ZBTB46: variants seen among roughly 807,000 people sequenced by gnomAD.
ZBTB46 encodes zinc finger and BTB domain containing 46.
In ZBTB46, 8 loss-of-function variants were observed where a neutral mutation model predicts 44.1. That is an observed-to-expected ratio of 0.18 (90% CI 0.11 to 0.33). The LOEUF (loss-of-function observed/expected upper bound fraction) is 0.33, where lower values mean the gene tolerates loss of function less well. Ranked by LOEUF, ZBTB46 falls within the 10% of genes least tolerant of loss-of-function variation. The probability of loss-of-function intolerance (pLI) is 1.00; values close to 1 mark genes in which losing one functional copy is unlikely to be tolerated. For missense variants in ZBTB46, 651 were observed against 847.7 expected (o/e 0.77, Z 2.88); for synonymous variants, 409 against 382.3 (o/e 1.07, Z -0.81).
intron 1 of ZBTB46, among the ~76,000 whole-genome samples, chr20:63,796,559 C>T (rs1378019766): frequency 6.6e-6 from 1 of 152,244 alleles, no homozygotes; most frequent in African/African-American, 2.4e-5. Context: ...AGTGCGGTGG[C>T]GCACGCCTGT....
intron 2 of ZBTB46, among the ~76,000 whole-genome samples, chr20:63,786,416 C>T (rs2092514825): frequency 6.6e-6 from 1 of 152,216 alleles, no homozygotes; most frequent in Admixed American, 6.5e-5. Flanking sequence ...CTGCTAACAT[C>T]CTGCAGTACC....
intron 1 of ZBTB46, chr20:63,791,031 G>C: frequency 2.2e-6 from 1 of 462,046 alleles, no homozygotes; most frequent in Non-Finnish European, 3.8e-6. Context: ...TTCCGTGCTC[G>C]AGGCTAATGG....
chr20:63,798,685 A>AACAAAAAAAAAAAAAAAAAAC (rs2092621537), intron 1 of ZBTB46, among the ~76,000 whole-genome samples: 2 of 127,888 alleles, frequency 1.6e-5, no homozygotes, highest in African/African-American at 6.4e-5. Flanking sequence ...AAAAAAAAAA[A>AACAAAAAAAAAAAAAAAAAAC]AAAAAAAATT....
intron 1 of ZBTB46, among the ~76,000 whole-genome samples, chr20:63,827,797 T>TG (rs2092827931): frequency 6.6e-6 from 1 of 152,276 alleles, no homozygotes; most frequent in Non-Finnish European, 1.5e-5. Flanking sequence ...GCACTGCTGA[T>TG]ACTCAACTAT....
chr20:63,817,385 A>C (rs1324650575), intron 1 of ZBTB46, among the ~76,000 whole-genome samples: 1 of 151,190 alleles, frequency 6.6e-6, no homozygotes, highest in Non-Finnish European at 1.5e-5. Context: ...AGCCTGGCCC[A>C]CAGAGTGAGA....
In ZBTB46 at chr20:63,801,561, T is replaced by C. The variant is rs147423137; in HGVS notation, c.-33-10771A>G. 7.1e-3 allele frequency among the ~76,000 whole-genome samples: 1,086 copies of C among 152,304 alleles called. 5 individuals are homozygous for C. Among genetic ancestry groups the C allele is most frequent in the African/African-American group, 0.024 (1,014 of 41,558 alleles). On this transcript the variant is annotated intron_variant, in intron 1 of 4. Transcript: ENST00000245663. ...ATTGAAAGTGTTGTTCTTTTGCTCT[T>C]TGCAATAAATCTTGCTGCTGCTCAC... is the stretch of plus-strand genomic sequence containing the variant.
At chr20:63,802,578 C>T (rs1282542638) in intron 1 of ZBTB46, among the ~76,000 whole-genome samples, 1 of 152,002 alleles carries the variant, frequency 6.6e-6, no homozygotes, top group Non-Finnish European at 1.5e-5. Context: ...AGCACCCTCC[C>T]AGAAACCGCG....
chr20:63,756,300 G>A (rs2092219904), intron 3 of ZBTB46, among the ~76,000 whole-genome samples: 1 of 152,228 alleles, frequency 6.6e-6, no homozygotes. Flanking sequence ...TGAAGCAAAT[G>A]GACTGGCAGT....
chr20:63,774,930 C>T (rs1271984616), intron 3 of ZBTB46, among the ~76,000 whole-genome samples: 1 of 152,124 alleles, frequency 6.6e-6, no homozygotes, highest in Non-Finnish European at 1.5e-5. Flanking sequence ...GTCTCGATCT[C>T]CTGACCTCGT....
intron 1 of ZBTB46, among the ~76,000 whole-genome samples, chr20:63,822,880 G>A (rs1440205141): frequency 7.4e-6 from 1 of 134,786 alleles, no homozygotes; most frequent in Non-Finnish European, 1.6e-5. Flanking sequence ...GAAACAAAAA[G>A]TCGGGAGCGG....
chr20:63,780,547 A>ATCCCATGCCAT (rs2092460726), intron 2 of ZBTB46, among the ~76,000 whole-genome samples: 1 of 152,186 alleles, frequency 6.6e-6, no homozygotes, highest in East Asian at 1.9e-4. Flanking sequence ...TCATGCCTGT[A>ATCCCATGCCAT]ATCCCAGCAC....
At chr20:63,786,809 C>G (rs1412478275) in intron 2 of ZBTB46, among the ~76,000 whole-genome samples, 1 of 152,138 alleles carries the variant, frequency 6.6e-6, no homozygotes, top group Non-Finnish European at 1.5e-5. Flanking sequence ...CCCGCCCGGC[C>G]TCGGATAACT....
chr20:63,814,437 C>T (rs1433010723), intron 1 of ZBTB46, among the ~76,000 whole-genome samples: 7 of 152,162 alleles, frequency 4.6e-5, no homozygotes, highest in Admixed American at 3.9e-4. Context: ...AATAATATAA[C>T]TTTTACAAAA....
In ZBTB46 at chr20:63,775,735, CCAGCACGTCGGCCTT is replaced by C; in HGVS notation, c.1150_1164del (p.Lys384_Leu388del). ...TCGAACAGCAGGGAGCCGTCATCCCCCAGCACGTCGGCCTTCAGCGACAGCAGGCTGTTCTTACTC... is the reference window on the plus strand; with the variant it reads ...TCGAACAGCAGGGAGCCGTCATCCCCCAGCGACAGCAGGCTGTTCTTACTC... On this transcript the variant is annotated inframe_deletion, in exon 3 of 5. Coordinates refer to ENST00000245663, the MANE Select transcript of ZBTB46 (RefSeq NM_001369741.1). 6.2e-7 allele frequency: 1 copy of C among 1,611,206 alleles called. No homozygotes were observed. The highest frequency in any genetic ancestry group is 1.3e-5 in the African/African-American group (1 of 75,032).
rs777215732 is a variant in ZBTB46 at position 63,789,867 on chromosome 20, C to T, written c.891G>A (p.Pro297=). The T allele has an allele frequency of 1.2e-5, 20 of 1,613,148 alleles. No homozygotes were observed. In the African/African-American group the frequency reaches 1.6e-4, roughly 13 times the overall value. ...GCCACCCCGACGTCGGCAGGAAGGA[C>T]GGCACCGGGGAGCTGGCCCGGCTGT... The part of the protein sequence containing the change: ...EDDSRASSPV[P]SFLPTSGWPF... The change falls in exon 2 of 5, where the codon CCG becomes CCA. Residue 297 remains proline (P), a synonymous_variant. Transcript: ENST00000245663.
At chr20:63,768,854 A>C (rs2092343125) in intron 3 of ZBTB46, among the ~76,000 whole-genome samples, 1 of 152,064 alleles carries the variant, frequency 6.6e-6, no homozygotes, top group South Asian at 2.1e-4. Context: ...ATGTGCAGTG[A>C]CCAGGCCTGG....
intron 3 of ZBTB46, among the ~76,000 whole-genome samples, chr20:63,774,650 G>A (rs963452866): frequency 6.6e-6 from 1 of 151,906 alleles, no homozygotes; most frequent in African/African-American, 2.4e-5. Context: ...ACATGAGCGC[G>A]AGACCAGAAG....
At chr20:63,771,633 A>G (rs1296048402) in intron 3 of ZBTB46, among the ~76,000 whole-genome samples, 1 of 151,796 alleles carries the variant, frequency 6.6e-6, no homozygotes, top group African/African-American at 2.4e-5. Flanking sequence ...CCCCACCTTC[A>G]GATCACACCG....
At chr20:63,785,622 C>CTAAGATAGAATAAA (rs1254303561) in intron 2 of ZBTB46, among the ~76,000 whole-genome samples, 17 of 152,176 alleles carry the variant, frequency 1.1e-4, no homozygotes, top group Non-Finnish European at 2.4e-4. Context: ...TAAAAATCCT[C>CTAAGATAGAATAAA]TTCTCTAAGA....
Sources: gnomAD v4.1 joint callset for allele counts (sites outside exome capture counted in the v4.1 genomes callset) on GRCh38, gnomAD v4.1.1 for gene constraint, MANE v1.5 for transcripts, NCBI Gene and HGNC (gene_info 2026-07-23, HGNC 2026-07-21) for gene names.